The following LCORL variants were observed in gnomAD, a reference collection of about 807,000 sequenced individuals.
LCORL encodes the protein ligand dependent nuclear receptor corepressor like, also known as ligand-dependent nuclear receptor corepressor-like protein.
LCORL carries 41 observed loss-of-function variants against 141.8 expected under a neutral mutation model. That is an observed-to-expected ratio of 0.29 (90% CI 0.23 to 0.38). The LOEUF is 0.38. Among genes scored for constraint, LCORL ranks in the 10% least tolerant of loss-of-function variants. The pLI, the probability that LCORL is intolerant of heterozygous loss-of-function variation, is 1.00. For missense variants in LCORL, 1,759 were observed against 2,035.0 expected (o/e 0.86, Z 2.61); for synonymous variants, 618 against 694.1 (o/e 0.89, Z 1.72).
intron 7 of LCORL, among the ~76,000 whole-genome samples, chr4:17,856,982 T>C (rs1724433152): frequency 6.6e-6 from 1 of 152,192 alleles, no homozygotes; most frequent in Non-Finnish European, 1.5e-5. Flanking sequence ...ATAGAGATCC[T>C]CGTTGTTCTT....
intron 5 of LCORL, among the ~76,000 whole-genome samples, chr4:17,896,987 G>A (rs1730034295): frequency 6.6e-6 from 1 of 151,768 alleles, no homozygotes; most frequent in Admixed American, 6.6e-5. Context: ...GTCCTTCTGT[G>A]CCTGATTTTG....
intron 4 of LCORL, among the ~76,000 whole-genome samples, chr4:17,932,419 A>G (rs1412230577): frequency 6.6e-6 from 1 of 152,156 alleles, no homozygotes; most frequent in Non-Finnish European, 1.5e-5. Context: ...TTATGATGCC[A>G]TTAGTCCCCC....
intron 7 of LCORL, among the ~76,000 whole-genome samples, chr4:17,858,334 A>G (rs1560258088): frequency 2.0e-5 from 3 of 151,564 alleles, no homozygotes; most frequent in Non-Finnish European, 4.4e-5. Flanking sequence ...AAAAAAAAAA[A>G]CTAAACAAAA....
chr4:18,013,604 A>G (rs1724142490), intron 1 of LCORL, among the ~76,000 whole-genome samples: 1 of 152,214 alleles, frequency 6.6e-6, no homozygotes, highest in Non-Finnish European at 1.5e-5. Context: ...GGTTATTTCC[A>G]TTAAGTCCTT....
intron 4 of LCORL, among the ~76,000 whole-genome samples, chr4:17,958,112 A>C (rs1713042183): frequency 6.6e-6 from 1 of 151,962 alleles, no homozygotes; most frequent in Non-Finnish European, 1.5e-5. Flanking sequence ...GTGTTCCCAA[A>C]AGGCACGGGA....
chr4:17,954,476 T>C (rs1228076571), intron 4 of LCORL, among the ~76,000 whole-genome samples: 1 of 152,204 alleles, frequency 6.6e-6, no homozygotes, highest in Admixed American at 6.5e-5. Flanking sequence ...TTGAGAGATT[T>C]TATTCTAAAT....
chr4:17,864,553 C>T (rs927673053), intron 7 of LCORL, among the ~76,000 whole-genome samples: 1 of 152,126 alleles, frequency 6.6e-6, no homozygotes, highest in African/African-American at 2.4e-5. Flanking sequence ...TAATAAAACA[C>T]ACTGTATTGA....
At chr4:17,985,158 A>G (rs1254714704) in intron 1 of LCORL, among the ~76,000 whole-genome samples, 2 of 151,988 alleles carry the variant, frequency 1.3e-5, no homozygotes, top group Non-Finnish European at 2.9e-5. Context: ...GTTCTTCTGC[A>G]TTTGCTGAGG....
chr4:17,900,949 A>T (rs1730762968), intron 5 of LCORL, among the ~76,000 whole-genome samples: 3 of 152,214 alleles, frequency 2.0e-5, no homozygotes, highest in African/African-American at 7.2e-5. Flanking sequence ...TAAAGAAAGG[A>T]AATCTGCTTC....
intron 7 of LCORL, chr4:17,867,021 G>A: frequency 1.0e-6 from 1 of 982,440 alleles, no homozygotes; most frequent in Non-Finnish European, 1.2e-6. Context: ...AAGCAGGTCT[G>A]GAGGCTGCAG....
At chr4:17,871,293 T>C (rs554658209) in intron 7 of LCORL, among the ~76,000 whole-genome samples, 9 of 151,820 alleles carry the variant, frequency 5.9e-5, no homozygotes, top group African/African-American at 9.7e-5. Flanking sequence ...CAGTGAAAGA[T>C]AGATAAAACT....
At chr4:17,975,188 T>C (rs191487306) in intron 1 of LCORL, among the ~76,000 whole-genome samples, 20 of 152,268 alleles carry the variant, frequency 1.3e-4, no homozygotes, top group African/African-American at 4.8e-4. Flanking sequence ...ACCTTTGTTC[T>C]TTTCCAATAA....
intron 6 of LCORL, among the ~76,000 whole-genome samples, chr4:17,878,600 C>A (rs1195905401): frequency 1.3e-5 from 2 of 150,782 alleles, no homozygotes; most frequent in Non-Finnish European, 3.0e-5. Flanking sequence ...TACATTAGTG[C>A]AAATAAGGAA....
chr4:17,847,048 T>C (rs1723020263), intron 7 of LCORL, among the ~76,000 whole-genome samples: 1 of 152,344 alleles, frequency 6.6e-6, no homozygotes, highest in East Asian at 1.9e-4. Context: ...AGCAGAGTGC[T>C]ACTCTTCAGA....
At chr4:17,970,386 A>T (rs1396518468) in intron 2 of LCORL, among the ~76,000 whole-genome samples, 1 of 152,244 alleles carries the variant, frequency 6.6e-6, no homozygotes, top group Non-Finnish European at 1.5e-5. Flanking sequence ...TACATCACAG[A>T]TCAAAAGCTT....
intron 7 of LCORL, among the ~76,000 whole-genome samples, chr4:17,866,234 C>T (rs77557896): frequency 2.8e-4 from 42 of 152,266 alleles, no homozygotes; most frequent in African/African-American, 8.4e-4. Flanking sequence ...TAGTTAATTC[C>T]TCCTCACCCT....
Position 18,021,832 on chromosome 4 carries a change from C to A in LCORL, c.-81G>T. On this transcript the variant is annotated 5_prime_UTR_variant, in exon 1 of 8. Coordinates refer to ENST00000635767, the Ensembl canonical transcript of LCORL. This position sits in a 1 kb window ranked among gnomAD's most constrained non-coding sequence, Gnocchi z 5.5. The stretch of plus-strand genomic sequence containing the variant: ...GGGGCGCGAGCCCTCGGCGCGAGCC[C>A]CGGAGCGCGCGCCCCCCGGAGGGGG... 3 of 1,390,694 alleles carry A rather than the reference C, an allele frequency of 2.2e-6. No homozygotes were observed. The allele number at this position is 1,390,694 out of a possible 1,614,324, so 86.1% of individuals were successfully genotyped here. A position where few individuals can be genotyped will look rare whatever the true frequency, so the allele number is the denominator to read the frequency against.
chr4:17,875,591 T>C, exon 7 of LCORL: 1 of 1,231,236 alleles, frequency 8.1e-7, no homozygotes. Context: ...TATAAATACC[T>C]TCTTTTACTT....
intron 5 of LCORL, among the ~76,000 whole-genome samples, chr4:17,892,064 A>G (rs1729161168): frequency 6.6e-6 from 1 of 152,182 alleles, no homozygotes; most frequent in African/African-American, 2.4e-5. Context: ...GCTCACTGCA[A>G]ATAAAATTGT....
Sources: gnomAD v4.1 joint callset for allele counts (sites outside exome capture counted in the v4.1 genomes callset) on GRCh38, gnomAD v4.1.1 for gene constraint, Gnocchi (gnomAD v3.1) non-coding constraint, MANE v1.5 for transcripts, NCBI Gene and HGNC (gene_info 2026-07-23, HGNC 2026-07-21) for gene names.